SLC2A13: variants seen among roughly 807,000 people sequenced by gnomAD.
The protein encoded by SLC2A13 is proton myo-inositol cotransporter.
SLC2A13 carries 32 observed loss-of-function variants against 64.4 expected under a neutral mutation model. The ratio of observed to expected loss-of-function variants is 0.50; its 90% CI spans 0.37 to 0.67. The LOEUF (loss-of-function observed/expected upper bound fraction) is 0.67. Among genes scored for constraint, SLC2A13 ranks in the 30% least tolerant of loss-of-function variants. SLC2A13 has a pLI of 0.00. For synonymous variants in SLC2A13, 338 were observed against 327.1 expected (o/e 1.03, Z -0.36); for missense variants, 743 against 829.2 (o/e 0.90, Z 1.28).
At chr12:40,024,256 G>GT (rs144077388) in intron 3 of SLC2A13, among the ~76,000 whole-genome samples, 18,936 of 152,178 alleles carry the variant, frequency 0.12, 1,485 homozygotes, top group Non-Finnish European at 0.17. Context: ...TCTGAAAACA[G>GT]TAATTGTGTC....
intron 4 of SLC2A13, among the ~76,000 whole-genome samples, chr12:39,922,619 CT>C (rs1945633572): frequency 1.3e-5 from 2 of 152,188 alleles, no homozygotes; most frequent in African/African-American, 4.8e-5. Context: ...TATTCCTAGA[CT>C]TTTTACTTAT....
At chr12:39,969,751 G>A (rs1165172659) in intron 3 of SLC2A13, among the ~76,000 whole-genome samples, 2 of 152,056 alleles carry the variant, frequency 1.3e-5, no homozygotes, top group Non-Finnish European at 2.9e-5. Flanking sequence ...TCTGTAGGTT[G>A]CTGTTCACTC....
intron 1 of SLC2A13, among the ~76,000 whole-genome samples, chr12:40,060,370 C>G (rs565572951): frequency 6.6e-6 from 1 of 152,104 alleles, no homozygotes; most frequent in East Asian, 1.9e-4. Flanking sequence ...TGTAAAGGAT[C>G]CCCAAAATCC....
chr12:39,918,412 T>C (rs1347945930), intron 4 of SLC2A13, among the ~76,000 whole-genome samples: 1 of 151,452 alleles, frequency 6.6e-6, no homozygotes, highest in Non-Finnish European at 1.5e-5. Flanking sequence ...AAGAACTGCT[T>C]CAGGCAAGAG....
intron 6 of SLC2A13, among the ~76,000 whole-genome samples, chr12:39,839,670 T>C (rs986929343): frequency 6.6e-6 from 1 of 152,072 alleles, no homozygotes; most frequent in African/African-American, 2.4e-5. Flanking sequence ...CTTTTCTTTC[T>C]CCTTTGCTTC....
In SLC2A13 at chr12:39,819,283, G is replaced by A. The variant is rs145672569; in HGVS notation, c.1445+10820C>T. 1.5e-3 allele frequency among the ~76,000 whole-genome samples: 234 copies of A among 152,146 alleles called. 3 individuals are homozygous for A. The highest frequency in any genetic ancestry group is 6.4e-3 in the East Asian group (33 of 5,192). ...TTCATGGTTTACAAATATTTTTATC[G>A]TTTGGAGAATTTTTTTTCTCATTTA... On this transcript the variant is annotated intron_variant, in intron 7 of 9. Transcript: ENST00000280871.
At chr12:39,837,898 G>T (rs1943063453) in intron 6 of SLC2A13, among the ~76,000 whole-genome samples, 1 of 151,024 alleles carries the variant, frequency 6.6e-6, no homozygotes, top group Admixed American at 6.6e-5. Context: ...TGGTGGGACT[G>T]TAAACTAGTT....
At chr12:39,776,417 C>A (rs529838265) in intron 7 of SLC2A13, among the ~76,000 whole-genome samples, 4 of 152,242 alleles carry the variant, frequency 2.6e-5, no homozygotes, top group Non-Finnish European at 5.9e-5. Flanking sequence ...CCACCAACAG[C>A]CTGCCCAGTG....
At chr12:40,071,636 GT>G (rs1181761541) in intron 1 of SLC2A13, among the ~76,000 whole-genome samples, 2 of 152,160 alleles carry the variant, frequency 1.3e-5, no homozygotes, top group East Asian at 3.9e-4. Flanking sequence ...TCTGAACCTG[GT>G]GCTTTCAGTT....
At chr12:39,951,907 T>A (rs965663664) in intron 3 of SLC2A13, among the ~76,000 whole-genome samples, 6 of 152,160 alleles carry the variant, frequency 3.9e-5, no homozygotes, top group African/African-American at 1.4e-4. Context: ...AGATTATTAA[T>A]AAAAGTTACC....
chr12:40,083,696 G>A (rs183261292), intron 1 of SLC2A13, among the ~76,000 whole-genome samples: 1 of 152,306 alleles, frequency 6.6e-6, no homozygotes, highest in Non-Finnish European at 1.5e-5. Flanking sequence ...GGTTTCTGTT[G>A]GGCTTTTCTG....
intron 7 of SLC2A13, among the ~76,000 whole-genome samples, chr12:39,766,297 A>T (rs1940346819): frequency 6.6e-6 from 1 of 152,088 alleles, no homozygotes; most frequent in Non-Finnish European, 1.5e-5. Context: ...GGTCACACGG[A>T]TTTTTTGGTT....
At chr12:40,024,314 T>C (rs549873038) in intron 3 of SLC2A13, among the ~76,000 whole-genome samples, 33 of 152,372 alleles carry the variant, frequency 2.2e-4, no homozygotes, top group Admixed American at 3.9e-4. Context: ...AAAAGATGTA[T>C]AGTTAGTTCT....
At chr12:39,959,269 G>A (rs1376628577) in intron 3 of SLC2A13, among the ~76,000 whole-genome samples, 1 of 152,142 alleles carries the variant, frequency 6.6e-6, no homozygotes, top group Non-Finnish European at 1.5e-5. Context: ...TGAAAGAATG[G>A]ACTGCTGCTA....
At chr12:39,863,040 A>G (rs1038505329) in intron 6 of SLC2A13, among the ~76,000 whole-genome samples, 1 of 152,156 alleles carries the variant, frequency 6.6e-6, no homozygotes, top group Non-Finnish European at 1.5e-5. Context: ...AAAGCCTAAT[A>G]TGTTACTCAT....
chr12:39,874,764 AAG>A (rs1231472727), intron 4 of SLC2A13, among the ~76,000 whole-genome samples: 7 of 152,208 alleles, frequency 4.6e-5, no homozygotes, highest in African/African-American at 1.7e-4. Flanking sequence ...GCGAAGTTTA[AAG>A]AGAAATAACA....
At chr12:39,856,848 A>C (rs1194603869) in intron 6 of SLC2A13, among the ~76,000 whole-genome samples, 3 of 152,250 alleles carry the variant, frequency 2.0e-5, no homozygotes, top group Non-Finnish European at 2.9e-5. Context: ...CGTTTCATAC[A>C]AACTTAATTA....
At position 40,097,194 on chromosome 12, in the gene SLC2A13, T is replaced by C. The variant is rs116509905; in HGVS notation, c.556+8059A>G. 3.5e-3 allele frequency among the ~76,000 whole-genome samples: 532 copies of C among 152,296 alleles called. 2 individuals are homozygous for C. Among genetic ancestry groups the C allele is most frequent in the African/African-American group, 0.012 (507 of 41,568 alleles). On this transcript the variant is annotated intron_variant, in intron 1 of 9. Coordinates refer to ENST00000280871, the MANE Select transcript of SLC2A13 (RefSeq NM_052885.4). Reference sequence around the variant, plus strand: ...GCCTCTGTTAAGCTGCTAAAAAGCATTATATCAAAGGAAATGAAGATAATA... The same window carrying C: ...GCCTCTGTTAAGCTGCTAAAAAGCACTATATCAAAGGAAATGAAGATAATA...
intron 3 of SLC2A13, among the ~76,000 whole-genome samples, chr12:39,952,089 T>C (rs998835576): frequency 4.6e-5 from 7 of 152,188 alleles, no homozygotes; most frequent in African/African-American, 1.4e-4. Context: ...CTTTGGTCTT[T>C]ATCTGAACTC....
Sources: gnomAD v4.1 joint callset for allele counts (sites outside exome capture counted in the v4.1 genomes callset) on GRCh38, gnomAD v4.1.1 for gene constraint, MANE v1.5 for transcripts, NCBI Gene and HGNC (gene_info 2026-07-23, HGNC 2026-07-21) for gene names.